TCERG1L: variants seen among roughly 807,000 people sequenced by gnomAD.
TCERG1L encodes the protein transcription elongation regulator 1 like.
A neutral mutation model predicts 56.3 loss-of-function variants in TCERG1L; 37 were observed. That is an observed-to-expected ratio of 0.66 (90% CI 0.51 to 0.87). The LOEUF (loss-of-function observed/expected upper bound fraction) is 0.87, where lower values mean the gene tolerates loss of function less well. Among genes scored for constraint, TCERG1L ranks in the 40% least tolerant of loss-of-function variants. The probability of loss-of-function intolerance (pLI) is 0.00; values close to 1 mark genes in which losing one functional copy is unlikely to be tolerated. For missense variants in TCERG1L, 799 were observed against 774.2 expected, an observed-to-expected ratio of 1.03 and a Z score of -0.38; for synonymous variants, 324 against 326.3, an observed-to-expected ratio of 0.99 and a Z score of 0.08.
chr10:131,287,716 G>A (rs111672760), intron 3 of TCERG1L, among the ~76,000 whole-genome samples: 10 of 152,214 alleles, frequency 6.6e-5, no homozygotes, highest in African/African-American at 7.2e-5. Context: ...AAATAGGCCG[G>A]GCATTGCAGA....
At chr10:131,201,964 G>A (rs1345397606) in intron 4 of TCERG1L, among the ~76,000 whole-genome samples, 1 of 152,204 alleles carries the variant, frequency 6.6e-6, no homozygotes, top group Non-Finnish European at 1.5e-5. Context: ...GGCCACGTGG[G>A]GGTCACGGGG....
rs141674748 is a variant in TCERG1L at position 131,285,940 on chromosome 10, C to T, written c.670+22271G>A. On this transcript the variant is annotated intron_variant, in intron 3 of 11. Coordinates refer to ENST00000368642, the MANE Select transcript of TCERG1L (RefSeq NM_174937.4). ...CTATAAGCATATTGAGAACAGGATA[C>T]ATTTGAAGCATCTGCTCCAAAACAG... 2.7e-4 allele frequency among the ~76,000 whole-genome samples: 41 copies of T among 152,308 alleles called. No individual in the cohort carries two copies. The East Asian group carries it at 5.6e-3, about 21-fold the overall frequency.
intron 7 of TCERG1L, among the ~76,000 whole-genome samples, chr10:131,144,499 G>A (rs533182703): frequency 6.6e-6 from 1 of 151,984 alleles, no homozygotes; most frequent in Non-Finnish European, 1.5e-5. Flanking sequence ...TCGGGAATGG[G>A]AAGTTGTTCT....
intron 4 of TCERG1L, among the ~76,000 whole-genome samples, chr10:131,245,295 C>T (rs1846019126): frequency 6.6e-6 from 1 of 152,224 alleles, no homozygotes; most frequent in Non-Finnish European, 1.5e-5. Context: ...AGCATTTAAT[C>T]CACCAGGCAG....
At chr10:131,203,810 T>G (rs1490927509) in intron 4 of TCERG1L, among the ~76,000 whole-genome samples, 1 of 152,202 alleles carries the variant, frequency 6.6e-6, no homozygotes, top group African/African-American at 2.4e-5. Flanking sequence ...CCCTAGCCAC[T>G]TTCCACTTCA....
At chr10:131,186,539 G>A (rs1347858620) in intron 4 of TCERG1L, among the ~76,000 whole-genome samples, 1 of 152,158 alleles carries the variant, frequency 6.6e-6, no homozygotes, top group East Asian at 1.9e-4. Flanking sequence ...AGTTGTATCC[G>A]TGCAAATCAG....
chr10:131,245,728 A>T (rs1053226346), intron 4 of TCERG1L, among the ~76,000 whole-genome samples: 2 of 152,162 alleles, frequency 1.3e-5, no homozygotes, highest in African/African-American at 4.8e-5. Context: ...TTAGTGTATC[A>T]TCCTCATAAA....
intron 4 of TCERG1L, among the ~76,000 whole-genome samples, chr10:131,167,691 G>A (rs1269333695): frequency 6.6e-6 from 1 of 152,222 alleles, no homozygotes; most frequent in African/African-American, 2.4e-5. Flanking sequence ...CACACCGCCA[G>A]TGACCGTGGC....
At chr10:131,193,434 AAG>A (rs1845325528) in intron 4 of TCERG1L, among the ~76,000 whole-genome samples, 1 of 152,160 alleles carries the variant, frequency 6.6e-6, no homozygotes, top group Non-Finnish European at 1.5e-5. Flanking sequence ...CAATGTCCGG[AAG>A]AGTTTTCCCC....
chr10:131,222,456 G>T (rs1748558788), intron 4 of TCERG1L, among the ~76,000 whole-genome samples: 1 of 152,244 alleles, frequency 6.6e-6, no homozygotes, highest in South Asian at 2.1e-4. Flanking sequence ...TCTATTGGCA[G>T]ATGTGAAACT....
At chr10:131,186,420 T>C (rs1418359546) in intron 4 of TCERG1L, among the ~76,000 whole-genome samples, 2 of 152,102 alleles carry the variant, frequency 1.3e-5, no homozygotes, top group Non-Finnish European at 2.9e-5. Flanking sequence ...AGATTATCAA[T>C]CCAGGAAGTT....
At chr10:131,304,997 C>T (rs1315981126) in intron 3 of TCERG1L, among the ~76,000 whole-genome samples, 1 of 152,088 alleles carries the variant, frequency 6.6e-6, no homozygotes, top group Non-Finnish European at 1.5e-5. Flanking sequence ...TTACAAAATG[C>T]TCCCCTTGAT....
chr10:131,289,335 T>A (rs920051858), intron 3 of TCERG1L, among the ~76,000 whole-genome samples: 12 of 61,500 alleles, frequency 2.0e-4, no homozygotes, highest in African/African-American at 5.0e-4. Flanking sequence ...ATGTTTCTGA[T>A]TATAAAATAC....
intron 10 of TCERG1L, among the ~76,000 whole-genome samples, chr10:131,099,194 C>T (rs1845280866): frequency 1.3e-5 from 2 of 152,234 alleles, no homozygotes; most frequent in East Asian, 1.9e-4. Context: ...GGGACATGCA[C>T]ATCAGCTGGC....
intron 3 of TCERG1L, among the ~76,000 whole-genome samples, chr10:131,279,531 C>A (rs1230457928): frequency 6.6e-6 from 1 of 152,190 alleles, no homozygotes; most frequent in East Asian, 1.9e-4. Context: ...AGTGACAGAA[C>A]CCTGGAAACA....
At chr10:131,150,703 T>C (rs7081957) in intron 6 of TCERG1L, among the ~76,000 whole-genome samples, 30,785 of 152,192 alleles carry the variant, frequency 0.2, 3,491 homozygotes, top group East Asian at 0.35. Context: ...GACTTCAACT[T>C]TGGGCCCCGA....
chr10:131,204,026 G>A lies in TCERG1L; in HGVS notation c.857-37141C>T, dbSNP rs182981872. ...ACCTTTAGGAGATGTGAAGTGATGAGAGCAGAGCCCTCATGGATGGAATGA... is the reference window on the plus strand; with the variant it reads ...ACCTTTAGGAGATGTGAAGTGATGAAAGCAGAGCCCTCATGGATGGAATGA... On this transcript the variant is annotated intron_variant, in intron 4 of 11. Coordinates refer to ENST00000368642, the MANE Select transcript of TCERG1L (RefSeq NM_174937.4). 1.5e-3 allele frequency among the ~76,000 whole-genome samples: 235 copies of A among 152,350 alleles called. 1 individual carries two copies. Among genetic ancestry groups the A allele is most frequent in the African/African-American group, 5.4e-3 (226 of 41,584 alleles).
chr10:131,100,988 G>A (rs1256829332), intron 10 of TCERG1L, among the ~76,000 whole-genome samples: 1 of 152,208 alleles, frequency 6.6e-6, no homozygotes, highest in African/African-American at 2.4e-5. Context: ...TGGACCTTCT[G>A]GGACCAAGTT....
chr10:131,272,223 CA>C (rs1846347254), intron 3 of TCERG1L, among the ~76,000 whole-genome samples: 1 of 152,146 alleles, frequency 6.6e-6, no homozygotes, highest in African/African-American at 2.4e-5. Context: ...TCAGGAAATC[CA>C]TCAGGAATTA....
Sources: allele counts gnomAD v4.1 joint callset (sites outside exome capture counted in the v4.1 genomes callset), GRCh38; gene constraint gnomAD v4.1.1; transcripts MANE v1.5; gene names NCBI Gene and HGNC (gene_info 2026-07-23, HGNC 2026-07-21).